Variants in UNC45B observed in about 807,000 individuals in gnomAD.
UNC45B encodes the protein protein unc-45 homolog B.
Under a neutral mutation model 98.7 loss-of-function variants are expected in UNC45B, and 78 were observed. The ratio of observed to expected loss-of-function variants is 0.79; its 90% CI spans 0.66 to 0.95. The LOEUF (loss-of-function observed/expected upper bound fraction) is 0.95. Among genes scored for constraint, UNC45B ranks in the 40% least tolerant of loss-of-function variants. The probability of loss-of-function intolerance (pLI) is 0.00; values close to 1 mark genes in which losing one functional copy is unlikely to be tolerated. For missense variants in UNC45B, 1,225 were observed against 1,184.9 expected (o/e 1.03, Z -0.50); for synonymous variants, 462 against 480.4 (o/e 0.96, Z 0.50).
At chr17:35,185,291 T>C (rs1275266297) in intron 19 of UNC45B, among the ~76,000 whole-genome samples, 1 of 144,318 alleles carries the variant, frequency 6.9e-6, no homozygotes, top group East Asian at 2.0e-4. Flanking sequence ...GCATTGGTGT[T>C]TTTTTTTAAT....
At chr17:35,163,958 A>C (rs766093913) in intron 8 of UNC45B, 37 bp from the exon 9 acceptor site, 53 of 1,569,092 alleles carry the variant, frequency 3.4e-5, no homozygotes, top group Non-Finnish European at 4.3e-5. Flanking sequence ...GATGGAGCCC[A>C]GCAGGAATCT....
At chr17:35,163,785 G>A (rs1292471403) in intron 8 of UNC45B, among the ~76,000 whole-genome samples, 1 of 152,220 alleles carries the variant, frequency 6.6e-6, no homozygotes, top group Admixed American at 6.5e-5. Context: ...GAGGCCCCTA[G>A]AGGGAGGTGA....
chr17:35,182,653 C>T (rs1159199217), intron 18 of UNC45B, among the ~76,000 whole-genome samples: 1 of 152,022 alleles, frequency 6.6e-6, no homozygotes, highest in Non-Finnish European at 1.5e-5. Context: ...CCATGCTGAC[C>T]CCTCTGATAT....
chr17:35,184,680 A>G (rs1001215187), intron 19 of UNC45B, among the ~76,000 whole-genome samples: 1 of 152,216 alleles, frequency 6.6e-6, no homozygotes, highest in African/African-American at 2.4e-5. Flanking sequence ...GGTGCAGAAA[A>G]GCAACTAGCC....
At chr17:35,154,857 G>T (rs529562507) in intron 6 of UNC45B, 116 bp downstream of exon 6, 4 of 1,160,114 alleles carry the variant, frequency 3.4e-6, no homozygotes, top group Admixed American at 3.5e-5. Context: ...AAAGTCAAAG[G>T]GTGCTCCAGT....
chr17:35,148,403 G>A lies in UNC45B; in HGVS notation c.140G>A (p.Arg47Gln), dbSNP rs145349716. ...KDKALLATLY[R>Q]NRAACGLKTE... The stretch of plus-strand genomic sequence containing the variant: ...AAGGCCCTGCTGGCCACGCTTTATC[G>A]GAACCGGGCAGCCTGTGGCCTGAAA... The change falls in exon 2 of 20, where the codon CGG becomes CAG. Residue 47 changes from arginine (R) to glutamine (Q), a missense_variant. Transcript: ENST00000394570. The A allele has an allele frequency of 2.5e-5, 41 of 1,613,842 alleles. No homozygotes were observed. The highest frequency in any genetic ancestry group is 5.0e-5 in the Admixed American group (3 of 59,996).
rs1254767510 is a variant in UNC45B at position 35,164,019 on chromosome 17, T to A, written c.1004T>A (p.Val335Glu). The A allele has an allele frequency of 3.1e-6, 5 of 1,613,638 alleles. No homozygotes were observed. Among genetic ancestry groups the A allele is most frequent in the Non-Finnish European group, 3.4e-6 (4 of 1,179,846 alleles). The change falls in exon 9 of 20, where the codon GTG becomes GAG. Residue 335 changes from valine to glutamate, a missense_variant. Transcript: ENST00000394570. Reference sequence around the variant, plus strand: ...GGTCTGAGGAAGATCCTGAAGGTTGTGGGGCAGGTTCCAGATCTGCCATCC... The same window carrying A: ...GGTCTGAGGAAGATCCTGAAGGTTGAGGGGCAGGTTCCAGATCTGCCATCC... ...DNGLRKILKVVGQVPDLPSCL... is the reference protein window; with the variant it reads ...DNGLRKILKVEGQVPDLPSCL...
rs1352480787 is a variant in UNC45B, at chr17:35,155,348, C to A, written c.692C>A (p.Ala231Asp). ...ATAGACCGAATCTGTAGCCTCATGG[C>A]CGTGGAGAATGAGGAGATGTCTCTG... ...VRIDRICSLM[A>D]VENEEMSLAV... The change falls in exon 7 of 20, where the codon GCC becomes GAC. Residue 231 changes from alanine to aspartate, a missense_variant. Transcript: ENST00000394570. 1 of 1,614,168 alleles carries A rather than the reference C, an allele frequency of 6.2e-7. No individual in the cohort carries two copies. Among genetic ancestry groups the A allele is most frequent in the South Asian group, 1.1e-5 (1 of 91,088 alleles).
Position 35,180,640 on chromosome 17 carries a change from C to T in UNC45B, c.2337C>T (p.Ala779=), listed in dbSNP as rs1407732213. The T allele has an allele frequency of 1.2e-6, 2 of 1,613,920 alleles. No individual in the cohort carries two copies. The highest frequency in any genetic ancestry group is 1.7e-5 in the Admixed American group (1 of 60,010). Residue 779 remains alanine (A), a synonymous_variant, in exon 18 of 20, where the codon GCC becomes GCT. Transcript: ENST00000394570. ...FENHDQLRQA[A]TECMCNMVLH... is the part of the protein sequence containing the mutation. ...ATCATGATCAGCTGCGGCAGGCGGC[C>T]ACCGAGTGCATGTGCAACATGGTGC...
chr17:35,156,358 C>G (rs141935770), intron 7 of UNC45B, among the ~76,000 whole-genome samples: 1 of 152,104 alleles, frequency 6.6e-6, no homozygotes, highest in Non-Finnish European at 1.5e-5. Context: ...CCAGGTGCAG[C>G]GACTCACTCC....
chr17:35,148,707 G>A (rs939111267), intron 2 of UNC45B, among the ~76,000 whole-genome samples: 5 of 152,164 alleles, frequency 3.3e-5, no homozygotes, highest in African/African-American at 1.2e-4. Context: ...TCCCCCTATC[G>A]CAGGTAAGAA....
At position 35,177,528 on chromosome 17, in the gene UNC45B, T is replaced by A; in HGVS notation, c.2173T>A (p.Leu725Met). Reference sequence around the variant, plus strand: ...GGTGGTGCGGCCCCTTGTAAGACTCTTGGACACACAGAGGGATGGGCTTCA... The same window carrying A: ...GGTGGTGCGGCCCCTTGTAAGACTCATGGACACACAGAGGGATGGGCTTCA... ...YEVVRPLVRL[L>M]DTQRDGLQNY... is the part of the protein sequence containing the mutation. Residue 725 changes from leucine to methionine, a missense_variant, in exon 17 of 20, where the codon TTG becomes ATG. Coordinates refer to ENST00000394570, the MANE Select transcript of UNC45B (RefSeq NM_001267052.2). The A allele has an allele frequency of 6.4e-7, 1 of 1,567,466 alleles. No individual in the cohort carries two copies. The highest frequency in any genetic ancestry group is 2.4e-5 in the East Asian group (1 of 42,252).
intron 10 of UNC45B, among the ~76,000 whole-genome samples, chr17:35,169,388 C>T (rs1247024488): frequency 6.6e-6 from 1 of 152,174 alleles, no homozygotes; most frequent in Non-Finnish European, 1.5e-5. Context: ...AGTGAATTTT[C>T]TCTTATGAAA....
chr17:35,176,546 G>A (rs1382327677), intron 15 of UNC45B, among the ~76,000 whole-genome samples: 1 of 152,148 alleles, frequency 6.6e-6, no homozygotes, highest in Non-Finnish European at 1.5e-5. Context: ...TGGGCCTGGT[G>A]GCGTGCACCT....
At chr17:35,159,664 G>A in intron 8 of UNC45B, 119 bp downstream of exon 8, 4 of 1,190,382 alleles carry the variant, frequency 3.4e-6, no homozygotes, top group Non-Finnish European at 4.6e-6. Flanking sequence ...CTGAAAAGAT[G>A]AGAAAAGGCA....
intron 9 of UNC45B, among the ~76,000 whole-genome samples, chr17:35,166,162 G>C (rs760422751): frequency 2.0e-5 from 3 of 149,728 alleles, no homozygotes; most frequent in Non-Finnish European, 4.4e-5. Context: ...CAGCTACTTG[G>C]GAAGCTGAGG....
chr17:35,164,972 G>A (rs1000192905), intron 9 of UNC45B, among the ~76,000 whole-genome samples: 3 of 151,728 alleles, frequency 2.0e-5, no homozygotes, highest in East Asian at 1.9e-4. Context: ...GGGCTCAAGC[G>A]ATCCTCCTGC....
intron 8 of UNC45B, among the ~76,000 whole-genome samples, chr17:35,161,814 C>A (rs1260821046): frequency 6.6e-6 from 1 of 152,098 alleles, no homozygotes; most frequent in Non-Finnish European, 1.5e-5. Context: ...CGGCCCCCCA[C>A]CCCTTACCTC....
In UNC45B at chr17:35,187,641, A is replaced by G. The variant is rs1384421007; in HGVS notation, c.*1082A>G. 1.1e-4 allele frequency: 16 copies of G among 152,214 alleles called. No individual in the cohort carries two copies. 9.4% of individuals were successfully genotyped at this position (152,214 alleles called of 1,614,324 possible). A position where few individuals can be genotyped will look rare whatever the true frequency, so the allele number is the denominator to read the frequency against. On this transcript the variant is annotated 3_prime_UTR_variant, in exon 20 of 20. Transcript: ENST00000394570. ...AAGAAATGAGCTTCATCCCTGTCCA[A>G]TTGACATGGACTGATTAGGGGTATT...
Sources: gnomAD v4.1 joint callset for allele counts (sites outside exome capture counted in the v4.1 genomes callset) on GRCh38, gnomAD v4.1.1 for gene constraint, MANE v1.5 for transcripts, NCBI Gene and HGNC (gene_info 2026-07-23, HGNC 2026-07-21) for gene names.